The following MYOM3 variants were observed in gnomAD, a reference collection of about 807,000 sequenced individuals.
MYOM3 encodes myomesin-3.
In MYOM3, 155 loss-of-function variants were observed where a neutral mutation model predicts 191.7. The ratio of observed to expected loss-of-function variants is 0.81; its 90% confidence interval spans 0.71 to 0.92. The LOEUF (loss-of-function observed/expected upper bound fraction) is 0.92. MYOM3 is among the 40% of genes least tolerant of loss of function. MYOM3 has a pLI of 0.00. For synonymous variants in MYOM3, 757 were observed against 762.9 expected (o/e 0.99, Z 0.13); for missense variants, 1,889 against 1,890.6 (o/e 1.00, Z 0.02).
intron 32 of MYOM3, 62 bp from the exon 33 acceptor site, chr1:24,062,171 C>T (rs41306587): frequency 5.7e-6 from 9 of 1,583,922 alleles, no homozygotes; most frequent in Non-Finnish European, 7.8e-6. Context: ...GATACCCGTG[C>T]CCCAAAATCC....
chr1:24,075,047 C>T (rs977546620), intron 22 of MYOM3, among the ~76,000 whole-genome samples: 5 of 150,812 alleles, frequency 3.3e-5, no homozygotes, highest in Non-Finnish European at 5.9e-5. Flanking sequence ...ATTGCACAGC[C>T]GGGGCAATAG....
chr1:24,080,187 C>CG lies in MYOM3; in HGVS notation c.2414dup (p.Tyr806ValfsTer41). On this transcript the variant is annotated frameshift_variant, in exon 20 of 37. Coordinates refer to ENST00000374434, the MANE Select transcript of MYOM3 (RefSeq NM_152372.4). LOFTEE classifies it high-confidence loss of function. ...GCACCTCGGATGCCCGTACATCGTA[C>CG]GGGGGGCCTGTGACAAGTGAGAGAT... The CG allele has an allele frequency of 6.2e-7, 1 of 1,608,748 alleles. No homozygotes were observed. Among genetic ancestry groups the CG allele is most frequent in the South Asian group, 1.1e-5 (1 of 90,294 alleles).
In MYOM3 at chr1:24,097,940, G is replaced by A. The variant is rs751124530; in HGVS notation, c.728C>T (p.Ala243Val). The A allele has an allele frequency of 1.2e-6, 2 of 1,613,390 alleles. No individual in the cohort carries two copies. Among genetic ancestry groups the A allele is most frequent in the African/African-American group, 1.3e-5 (1 of 74,912 alleles). ...GGACTTACTGCGGACGAGGACTTTG[G>A]CGAAGGAGGAGGCCTGGCCGTGGGC... ...KNAHGQASSF[A>V]KVLVRTYLGK... Residue 243 changes from alanine (A) to valine (V), a missense_variant, in exon 7 of 37, where the codon GCC (alanine) becomes GTC (valine). Transcript: ENST00000374434.
intron 10 of MYOM3, 28 bp from the exon 11 acceptor site, chr1:24,092,343 C>T (rs780588160): frequency 4.5e-6 from 6 of 1,342,850 alleles, no homozygotes; most frequent in Non-Finnish European, 5.8e-6. Context: ...GAGGGAGGCC[C>T]TTCTAGTCAG....
At chr1:24,081,649 A>G (rs573719408) in intron 18 of MYOM3, 193 bp from the exon 19 acceptor site, 41 of 655,426 alleles carry the variant, frequency 6.3e-5, no homozygotes, top group African/African-American at 5.8e-4. Context: ...TGCAGCCTCA[A>G]CCTTCTGGGC....
intron 27 of MYOM3, 22 bp from the exon 28 acceptor site, chr1:24,067,110 G>T (rs1332947700): frequency 1.9e-6 from 3 of 1,562,452 alleles, no homozygotes; most frequent in Admixed American, 1.9e-5. Context: ...AAACAAATGT[G>T]CCCACTGTCA....
At position 24,108,646 on chromosome 1, in the gene MYOM3, A is replaced by T; in HGVS notation, c.-10T>A. 6.5e-7 allele frequency: 1 copy of T among 1,541,876 alleles called. No homozygotes were observed. The highest frequency in any genetic ancestry group is 8.7e-7 in the Non-Finnish European group (1 of 1,146,520). On this transcript the variant is annotated 5_prime_UTR_variant, in exon 2 of 37. Coordinates refer to ENST00000374434, the MANE Select transcript of MYOM3 (RefSeq NM_152372.4). ...TGTGCGGCAGAGTCATGGTTACGAG[A>T]GCAACAACCTGTGAAGGCCAAGGTC...
chr1:24,066,201 A>G lies in MYOM3; in HGVS notation c.3424-200T>C, dbSNP rs564945735. The G allele has an allele frequency of 2.5e-5, 18 of 717,792 alleles. No individual in the cohort carries two copies. The African/African-American group carries it at 3.0e-4, about 12-fold the overall frequency. 44.5% of individuals were successfully genotyped at this position (717,792 alleles called of 1,614,324 possible). A position where few individuals can be genotyped will look rare whatever the true frequency, so the allele number is the denominator to read the frequency against. Reference sequence around the variant, plus strand: ...CTGCCTTACTCTATTTTTCTTGGAAATGTCCATGTGCTTCAGTTAAATGTC... The same window carrying G: ...CTGCCTTACTCTATTTTTCTTGGAAGTGTCCATGTGCTTCAGTTAAATGTC... On this transcript the variant is annotated intron_variant, in intron 28 of 36. Coordinates refer to ENST00000374434, the MANE Select transcript of MYOM3 (RefSeq NM_152372.4).
At position 24,089,525 on chromosome 1, in the gene MYOM3, C is replaced by T. The variant is rs370075830; in HGVS notation, c.1614+13G>A. ...TCAGGCTGGCCTGGGGCTGGGGCCTCGGGGTTCCCTACCTTCTCCAGGGAG... is the reference window on the plus strand; with the variant it reads ...TCAGGCTGGCCTGGGGCTGGGGCCTTGGGGTTCCCTACCTTCTCCAGGGAG... On this transcript the variant is annotated intron_variant, in intron 14 of 36. Coordinates refer to ENST00000374434, the MANE Select transcript of MYOM3 (RefSeq NM_152372.4). The T allele has an allele frequency of 5.5e-5, 87 of 1,592,056 alleles. No individual in the cohort carries two copies. The highest frequency in any genetic ancestry group is 9.0e-5 in the East Asian group (4 of 44,248).
chr1:24,082,860 T>G, intron 16 of MYOM3, 146 bp from the exon 17 acceptor site: 6 of 983,338 alleles, frequency 6.1e-6, no homozygotes, highest in Non-Finnish European at 8.5e-6. Context: ...ATATTGCCCT[T>G]GATCCCATGG....
Position 24,081,392 on chromosome 1 carries a change from A to G in MYOM3, c.2345T>C (p.Val782Ala). Residue 782 changes from valine (V) to alanine (A), a missense_variant, in exon 19 of 37, where the codon GTT (valine) becomes GCT (alanine). Physicochemically the swap from Val to Ala is moderately conservative, Grantham distance 64 (BLOSUM62 0). Transcript: ENST00000374434. ...FRARAANWAG[V>A]GELSAPSSLF... is the part of the protein sequence containing the mutation. The stretch of plus-strand genomic sequence containing the variant: ...GCTGCTGGGTGCCGACAGCTCGCCA[A>G]CACCTGCCCAGTTGGCAGCCCGGGC... 6.2e-7 allele frequency: 1 copy of G among 1,614,166 alleles called. No individual in the cohort carries two copies. Among genetic ancestry groups the G allele is most frequent in the South Asian group, 1.1e-5 (1 of 91,074 alleles).
At chr1:24,099,824 G>A (rs763771400) in intron 5 of MYOM3, 49 bp from the exon 6 acceptor site, 2 of 1,377,152 alleles carry the variant, frequency 1.5e-6, no homozygotes, top group South Asian at 2.3e-5. Context: ...CTAAGCGGGA[G>A]GGGTCTGGAG....
At chr1:24,102,022 C>T (rs1643940756) in intron 5 of MYOM3, among the ~76,000 whole-genome samples, 1 of 152,134 alleles carries the variant, frequency 6.6e-6, no homozygotes, top group African/African-American at 2.4e-5. Flanking sequence ...GCCTCTGTGT[C>T]CCTGAAGCCA....
At chr1:24,099,585 T>C in intron 6 of MYOM3, 95 bp downstream of exon 6, 1 of 954,810 alleles carries the variant, frequency 1.0e-6, no homozygotes, top group Non-Finnish European at 1.7e-6. Flanking sequence ...GAGGTGAACT[T>C]GGGCCTCAGC....
chr1:24,085,043 TA>T (rs1643718609), intron 15 of MYOM3, among the ~76,000 whole-genome samples: 1 of 152,246 alleles, frequency 6.6e-6, no homozygotes, highest in Non-Finnish European at 1.5e-5. Flanking sequence ...GGGGCTGCTG[TA>T]ACTTGTTAAA....
At chr1:24,096,061 G>A (rs1643876942) in intron 7 of MYOM3, among the ~76,000 whole-genome samples, 1 of 152,156 alleles carries the variant, frequency 6.6e-6, no homozygotes, top group South Asian at 2.1e-4. Flanking sequence ...CTGTCAGTTG[G>A]TACTATTATT....
At chr1:24,100,476 C>T (rs1643904138) in intron 5 of MYOM3, among the ~76,000 whole-genome samples, 1 of 152,212 alleles carries the variant, frequency 6.6e-6, no homozygotes, top group Non-Finnish European at 1.5e-5. Context: ...TTTTCCCTTC[C>T]CTCCGAAGGG....
At chr1:24,105,032 C>T (rs984919969) in intron 5 of MYOM3, among the ~76,000 whole-genome samples, 23 of 152,192 alleles carry the variant, frequency 1.5e-4, no homozygotes, top group African/African-American at 2.7e-4. Flanking sequence ...ACCTGGGCCG[C>T]GGCCATGCCT....
Position 24,111,824 on chromosome 1 carries a change from G to A in MYOM3, c.-19+207C>T, listed in dbSNP as rs930442020. On this transcript the variant is annotated intron_variant, in intron 1 of 36. Coordinates refer to ENST00000374434, the MANE Select transcript of MYOM3 (RefSeq NM_152372.4). The surrounding 1 kb of genome is among the most constrained non-coding windows in gnomAD (Gnocchi z 4.7). ...GGGCCACACAGAACAGTGGGATGGG[G>A]CAGGGGTTTCTGGAATCCCCTCCCA... is the stretch of plus-strand genomic sequence containing the variant. 6.6e-6 allele frequency among the ~76,000 whole-genome samples: 1 copy of A among 151,984 alleles called. No individual in the cohort carries two copies. The highest frequency in any genetic ancestry group is 2.1e-4 in the South Asian group (1 of 4,812).
Sources: allele counts gnomAD v4.1 joint callset (sites outside exome capture counted in the v4.1 genomes callset), GRCh38; gene constraint gnomAD v4.1.1; non-coding constraint Gnocchi (gnomAD v3.1); transcripts MANE v1.5; gene names NCBI Gene and HGNC (gene_info 2026-07-23, HGNC 2026-07-21).